The following CDH5 variants were observed in gnomAD, a reference collection of about 807,000 sequenced individuals.
The protein encoded by CDH5 is cadherin 5, also known as cadherin-5.
Under a neutral mutation model 62.0 loss-of-function variants are expected in CDH5, and 28 were observed. That is an observed-to-expected ratio of 0.45 (90% confidence interval 0.33 to 0.62). The LOEUF (loss-of-function observed/expected upper bound fraction) is 0.62. CDH5 is among the 20% of genes least tolerant of loss of function. The probability of loss-of-function intolerance (pLI) is 0.02; values close to 1 mark genes in which losing one functional copy is unlikely to be tolerated. For missense variants in CDH5, 940 were observed against 1,065.1 expected (o/e 0.88, Z 1.63); for synonymous variants, 464 against 445.8 (o/e 1.04, Z -0.52).
chr16:66,376,495 C>G (rs2142311647), intron 1 of CDH5: 1 of 152,312 alleles, frequency 6.6e-6, no homozygotes, highest in Non-Finnish European at 1.5e-5. Context: ...CAGAGCGAAC[C>G]CTGGGAGGCC....
In CDH5 at chr16:66,379,466, G is replaced by A; in HGVS notation, c.129G>A (p.Arg43=). ...RDTHSLLPTH[R]RQKRDWIWNQ... ...CCCACAGCCTGCTGCCCACCCACCG[G>A]CGCCAAAAGAGAGATTGGATTTGGA... Residue 43 remains arginine, a synonymous_variant, in exon 2 of 12, where the codon CGG becomes CGA. Transcript: ENST00000341529. 6.2e-7 allele frequency: 1 copy of A among 1,614,206 alleles called. No individual in the cohort carries two copies. Among genetic ancestry groups the A allele is most frequent in the Non-Finnish European group, 8.5e-7 (1 of 1,180,036 alleles).
intron 2 of CDH5, among the ~76,000 whole-genome samples, chr16:66,386,185 C>G (rs1178324610): frequency 6.6e-6 from 1 of 152,128 alleles, no homozygotes; most frequent in Non-Finnish European, 1.5e-5. Context: ...CTACTCTGTT[C>G]AGGCACCATT....
chr16:66,398,198 T>G, intron 9 of CDH5, 92 bp downstream of exon 9: 1 of 1,439,432 alleles, frequency 6.9e-7, no homozygotes, highest in Admixed American at 1.7e-5. Flanking sequence ...GGAGTTCCCC[T>G]GTACAATAGC....
intron 11 of CDH5, among the ~76,000 whole-genome samples, chr16:66,402,393 A>C (rs1245561571): frequency 6.6e-5 from 7 of 106,642 alleles, no homozygotes; most frequent in African/African-American, 2.9e-4. Context: ...GGTGGGGATG[A>C]GTATGCGGGG....
rs1470624291 is a variant in CDH5 at position 66,398,193 on chromosome 16, TC to T, written c.1485+91del. 8.1e-6 allele frequency: 12 copies of T among 1,481,262 alleles called. No homozygotes were observed. The African/African-American group carries it at 1.4e-4, about 17-fold the overall frequency. The allele number at this position is 1,481,262 out of a possible 1,614,324, so 91.8% of individuals were successfully genotyped here. A position where few individuals can be genotyped will look rare whatever the true frequency, so the allele number is the denominator to read the frequency against. On this transcript the variant is annotated intron_variant, in intron 9 of 11. Transcript: ENST00000341529. ...ACTGCTCAACAGAGTCAGCAGGAGT[TC>T]CCCTGTACAATAGCCTTGAGGAAAA...
At position 66,404,564 on chromosome 16, in the gene CDH5, A is replaced by G. The variant is rs1020657458; in HGVS notation, c.*1395A>G. The G allele has an allele frequency of 6.6e-6, 1 of 152,336 alleles. No homozygotes were observed. Among genetic ancestry groups the G allele is most frequent in the Non-Finnish European group, 1.5e-5 (1 of 68,048 alleles). The allele number at this position is 152,336 out of a possible 1,614,324, so 9.4% of individuals were successfully genotyped here. A position where few individuals can be genotyped will look rare whatever the true frequency, so the allele number is the denominator to read the frequency against. Reference sequence around the variant, plus strand: ...ATACTTACAAGTTTCTAGCTCTCACAGACATATAGAATAAGGGTTTTTGCA... The same window carrying G: ...ATACTTACAAGTTTCTAGCTCTCACGGACATATAGAATAAGGGTTTTTGCA... On this transcript the variant is annotated 3_prime_UTR_variant, in exon 12 of 12. Coordinates refer to ENST00000341529, the MANE Select transcript of CDH5 (RefSeq NM_001795.5).
At chr16:66,384,996 C>T (rs1960959522) in intron 2 of CDH5, among the ~76,000 whole-genome samples, 1 of 152,102 alleles carries the variant, frequency 6.6e-6, no homozygotes, top group Non-Finnish European at 1.5e-5. Flanking sequence ...CAATGTTGCA[C>T]TTCCTCAGCA....
intron 2 of CDH5, among the ~76,000 whole-genome samples, chr16:66,382,269 G>A (rs572087754): frequency 7.9e-5 from 12 of 152,280 alleles, no homozygotes; most frequent in Admixed American, 2.6e-4. Flanking sequence ...ATCTCCACTC[G>A]GAGCCCCACC....
chr16:66,399,124 T>C (rs1961239453), intron 10 of CDH5, among the ~76,000 whole-genome samples: 1 of 152,144 alleles, frequency 6.6e-6, no homozygotes, highest in African/African-American at 2.4e-5. Context: ...AAACTGGAAA[T>C]GTGAAATCCT....
intron 2 of CDH5, among the ~76,000 whole-genome samples, chr16:66,382,816 G>A (rs886358629): frequency 6.6e-6 from 1 of 152,304 alleles, no homozygotes; most frequent in African/African-American, 2.4e-5. Context: ...GTAATCTGAG[G>A]GAAGGAAGTC....
In CDH5 at chr16:66,373,434, A is replaced by T. The variant is rs560230676; in HGVS notation, c.-19-5885A>T. ...TTTTTTTTTTTTTTTTTTGAGACGA[A>T]GTCTTGCTCTGTCACCTGTTGCCCA... On this transcript the variant is annotated intron_variant, in intron 1 of 11. Transcript: ENST00000341529. Among the ~76,000 whole-genome samples, 4 of 147,826 alleles carry T rather than the reference A, an allele frequency of 2.7e-5. No individual in the cohort carries two copies. The East Asian group carries it at 6.0e-4, about 22-fold the overall frequency.
At position 66,393,058 on chromosome 16, in the gene CDH5, AT is replaced by A. The variant is rs759908060; in HGVS notation, c.1217+676del. Reference sequence around the variant, plus strand: ...TCTCTTTTACAATCTTTAGAAAAAAATGATATAGTTCCAACAGATACTTTTT... The same window carrying A: ...TCTCTTTTACAATCTTTAGAAAAAAAGATATAGTTCCAACAGATACTTTTT... On this transcript the variant is annotated intron_variant, in intron 7 of 11. Transcript: ENST00000341529. The A allele has an allele frequency of 1.5e-4, 23 of 152,464 alleles. No individual in the cohort carries two copies. The East Asian group carries it at 3.5e-3, about 23-fold the overall frequency. The allele number at this position is 152,464 out of a possible 1,614,324, so 9.4% of individuals were successfully genotyped here. A position where few individuals can be genotyped will look rare whatever the true frequency, so the allele number is the denominator to read the frequency against.
chr16:66,401,446 A>T (rs1159317400), intron 11 of CDH5, among the ~76,000 whole-genome samples: 1 of 152,224 alleles, frequency 6.6e-6, no homozygotes, highest in Admixed American at 6.5e-5. Flanking sequence ...TCTAGTTTAG[A>T]TTGTCTCCAC....
chr16:66,391,239 C>G (rs940921097), intron 6 of CDH5, among the ~76,000 whole-genome samples: 3 of 152,154 alleles, frequency 2.0e-5, no homozygotes, highest in African/African-American at 7.2e-5. Context: ...CAAGGAGAGG[C>G]AGACACAGCC....
chr16:66,398,337 T>G (rs1961223580), intron 9 of CDH5, 119 bp from the exon 10 acceptor site: 2 of 800,096 alleles, frequency 2.5e-6, no homozygotes, highest in Admixed American at 2.0e-5. Flanking sequence ...AATAGGTGAG[T>G]GTTGCAGGTG....
chr16:66,396,108 A>G lies in CDH5; in HGVS notation c.1267A>G (p.Lys423Glu). The change falls in exon 8 of 12, where the codon AAA becomes GAA. Residue 423 changes from lysine to glutamate, a missense_variant. Coordinates refer to ENST00000341529, the MANE Select transcript of CDH5 (RefSeq NM_001795.5). ...SDKGQFFRVT[K>E]KGDIYNEKEL... ...CAAGGGCCAGTTCTTCCGAGTCACA[A>G]AAAAGGGGGACATTTACAATGAGAA... 2 of 1,614,148 alleles carry G rather than the reference A, an allele frequency of 1.2e-6. No homozygotes were observed. Among genetic ancestry groups the G allele is most frequent in the Non-Finnish European group, 8.5e-7 (1 of 1,180,018 alleles).
chr16:66,371,254 TGA>T (rs1262744273), intron 1 of CDH5, among the ~76,000 whole-genome samples: 2 of 151,800 alleles, frequency 1.3e-5, no homozygotes, highest in Admixed American at 1.3e-4. Flanking sequence ...CAACCTGGAC[TGA>T]GATTTGAGCT....
At chr16:66,398,147 T>C in intron 9 of CDH5, 41 bp downstream of exon 9, 1 of 1,611,844 alleles carries the variant, frequency 6.2e-7, no homozygotes. Context: ...AGCACCACCC[T>C]GGGGCAGGCT....
chr16:66,396,812 A>G (rs1206193183), intron 8 of CDH5, among the ~76,000 whole-genome samples: 1 of 152,196 alleles, frequency 6.6e-6, no homozygotes, highest in African/African-American at 2.4e-5. Context: ...CAGGAGAACT[A>G]TTAATACTCC....
Sources: gnomAD v4.1 joint callset for allele counts (sites outside exome capture counted in the v4.1 genomes callset) on GRCh38, gnomAD v4.1.1 for gene constraint, MANE v1.5 for transcripts, NCBI Gene and HGNC (gene_info 2026-07-23, HGNC 2026-07-21) for gene names.